The following ARID2 variants were observed in gnomAD, a reference collection of about 807,000 sequenced individuals.
ARID2 encodes the protein AT-rich interactive domain-containing protein 2.
ARID2 carries 32 observed loss-of-function variants against 184.6 expected under a neutral mutation model. The observed-to-expected ratio is 0.17, with a 90% CI of 0.13 to 0.23. ARID2 has a LOEUF of 0.23. Ranked by LOEUF, ARID2 falls within the 10% of genes least tolerant of loss-of-function variation. ARID2 has a pLI of 1.00. For synonymous variants in ARID2, 836 were observed against 772.6 expected, an observed-to-expected ratio of 1.08 and a Z score of -1.36; for missense variants, 1,696 against 2,197.6, an observed-to-expected ratio of 0.77 and a Z score of 4.56.
At chr12:45,837,229 C>T (rs545211811) in intron 8 of ARID2, 92 bp from the exon 9 acceptor site, 5 of 1,219,196 alleles carry the variant, frequency 4.1e-6, no homozygotes, top group East Asian at 2.4e-5. Flanking sequence ...CGTTATGCAA[C>T]ATTGTCCTGT....
At chr12:45,745,450 G>T (rs1329587276) in intron 3 of ARID2, among the ~76,000 whole-genome samples, 1 of 152,110 alleles carries the variant, frequency 6.6e-6, no homozygotes, top group Non-Finnish European at 1.5e-5. Context: ...AACCAAATCA[G>T]ATCTGCATTT....
chr12:45,800,247 C>A (rs1194500255), intron 3 of ARID2, among the ~76,000 whole-genome samples: 1 of 151,726 alleles, frequency 6.6e-6, no homozygotes, highest in African/African-American at 2.4e-5. Flanking sequence ...CAGAGTAAAC[C>A]AAAAATGGAA....
At chr12:45,853,912 G>T (rs1943600280) in intron 15 of ARID2, among the ~76,000 whole-genome samples, 1 of 152,212 alleles carries the variant, frequency 6.6e-6, no homozygotes, top group Admixed American at 6.5e-5. Flanking sequence ...TAACTGACAG[G>T]TACCAGTCCG....
intron 18 of ARID2, 25 bp downstream of exon 18, chr12:45,892,121 G>T: frequency 1.3e-6 from 2 of 1,599,454 alleles, no homozygotes; most frequent in East Asian, 2.2e-5. Context: ...TTTACTTCCT[G>T]TTGTACATAC....
intron 3 of ARID2, among the ~76,000 whole-genome samples, chr12:45,750,111 A>G (rs1941432786): frequency 6.6e-6 from 1 of 152,200 alleles, no homozygotes; most frequent in African/African-American, 2.4e-5. Flanking sequence ...AAGCGTAATC[A>G]TTTCTAGCTT....
intron 15 of ARID2, among the ~76,000 whole-genome samples, chr12:45,854,658 T>C (rs916125569): frequency 6.6e-6 from 1 of 152,194 alleles, no homozygotes; most frequent in Non-Finnish European, 1.5e-5. Flanking sequence ...TAAATAGTTA[T>C]AACAGACCAA....
Position 45,852,417 on chromosome 12 carries a change from C to G in ARID2, c.4294C>G (p.Gln1432Glu), listed in dbSNP as rs2138178657. The change falls in exon 15 of 21, where the codon CAG becomes GAG. Residue 1432 changes from glutamine to glutamate, a missense_variant. By Grantham distance (29) the Gln-to-Glu change is conservative. Around this residue, in one of 11 missense-constraint regions of ARID2, gnomAD observed 428 missense variants for 409.1 expected, o/e 1.05. Coordinates refer to ENST00000334344, the MANE Select transcript of ARID2 (RefSeq NM_152641.4). ...TLGGSSVSSIQEASNAATQQF... is the reference protein window; with the variant it reads ...TLGGSSVSSIEEASNAATQQF... ...GGGTGGTTCATCTGTGAGCAGTATA[C>G]AGGAGGCTTCAAATGCGGCAACACA... 1.2e-6 allele frequency: 2 copies of G among 1,614,134 alleles called. No homozygotes were observed. The highest frequency in any genetic ancestry group is 1.7e-6 in the Non-Finnish European group (2 of 1,180,010).
intron 3 of ARID2, among the ~76,000 whole-genome samples, chr12:45,769,317 A>G (rs1280318156): frequency 6.6e-6 from 1 of 152,242 alleles, no homozygotes; most frequent in Non-Finnish European, 1.5e-5. Context: ...ACAATTTTTT[A>G]TCAAATAGAG....
At chr12:45,745,607 G>C (rs1328607945) in intron 3 of ARID2, among the ~76,000 whole-genome samples, 1 of 152,134 alleles carries the variant, frequency 6.6e-6, no homozygotes, top group East Asian at 1.9e-4. Flanking sequence ...GAATGCAGTG[G>C]CGCAATCTCG....
At chr12:45,809,883 A>G (rs1428725746) in intron 3 of ARID2, among the ~76,000 whole-genome samples, 2 of 152,224 alleles carry the variant, frequency 1.3e-5, no homozygotes, top group African/African-American at 4.8e-5. Flanking sequence ...TTATAAAATT[A>G]TAGCTTCCAT....
At chr12:45,870,087 G>A (rs943884764) in intron 16 of ARID2, among the ~76,000 whole-genome samples, 6 of 151,832 alleles carry the variant, frequency 4.0e-5, no homozygotes, top group African/African-American at 1.5e-4. Context: ...CTGGGTTCAC[G>A]CCATTCTCCT....
intron 3 of ARID2, among the ~76,000 whole-genome samples, chr12:45,808,278 A>G (rs1942638655): frequency 6.6e-6 from 1 of 152,206 alleles, no homozygotes; most frequent in African/African-American, 2.4e-5. Context: ...AGTTTTTAGA[A>G]GTATAACTGA....
intron 3 of ARID2, among the ~76,000 whole-genome samples, chr12:45,770,413 C>T (rs988258104): frequency 1.3e-5 from 2 of 152,120 alleles, no homozygotes; most frequent in Non-Finnish European, 2.9e-5. Flanking sequence ...GTCTACTTGT[C>T]CCACCTGGGC....
chr12:45,802,738 A>C (rs1942530178), intron 3 of ARID2, among the ~76,000 whole-genome samples: 1 of 152,176 alleles, frequency 6.6e-6, no homozygotes, highest in African/African-American at 2.4e-5. Flanking sequence ...AAGAAAAAAA[A>C]ATTTTTTTTC....
intron 3 of ARID2, among the ~76,000 whole-genome samples, chr12:45,743,490 C>T (rs1941301582): frequency 6.6e-6 from 1 of 152,208 alleles, no homozygotes; most frequent in Non-Finnish European, 1.5e-5. Flanking sequence ...ACTGCCTCAG[C>T]CTCCTGAGTA....
intron 3 of ARID2, among the ~76,000 whole-genome samples, chr12:45,778,421 T>C (rs940781668): frequency 3.0e-4 from 45 of 152,302 alleles, no homozygotes; most frequent in African/African-American, 1.1e-3. Context: ...AAAAAGAATA[T>C]TCATAAGTTG....
At chr12:45,813,809 G>T (rs1942756772) in intron 4 of ARID2, among the ~76,000 whole-genome samples, 1 of 152,060 alleles carries the variant, frequency 6.6e-6, no homozygotes, top group Admixed American at 6.5e-5. Flanking sequence ...TGTGGGTTTT[G>T]TTGCTTTAAG....
intron 3 of ARID2, chr12:45,789,148 A>G (rs572828046): frequency 1.3e-5 from 2 of 152,320 alleles, no homozygotes; most frequent in East Asian, 1.9e-4. Flanking sequence ...AAAACTCACT[A>G]CCTTAAGCTT....
chr12:45,866,475 A>G lies in ARID2; in HGVS notation c.4922+5526A>G, dbSNP rs181379016. Reference sequence around the variant, plus strand: ...ACATTTTCTACAAGTATTTCAGTAGAATAAAATACCAAATTGGGAATTGCT... The same window carrying G: ...ACATTTTCTACAAGTATTTCAGTAGGATAAAATACCAAATTGGGAATTGCT... On this transcript the variant is annotated intron_variant, in intron 16 of 20. Transcript: ENST00000334344. Among the ~76,000 whole-genome samples, 192 of 152,326 alleles carry G rather than the reference A, an allele frequency of 1.3e-3. 1 individual carries two copies. The highest frequency in any genetic ancestry group is 4.5e-3 in the African/African-American group (186 of 41,584).
Sources: gnomAD v4.1 joint callset for allele counts (sites outside exome capture counted in the v4.1 genomes callset) on GRCh38, gnomAD v4.1.1 for gene constraint, gnomAD v4.1.1 regional missense constraint, MANE v1.5 for transcripts, NCBI Gene and HGNC (gene_info 2026-07-23, HGNC 2026-07-21) for gene names.